The following LIMCH1 variants were observed in gnomAD, a reference collection of about 807,000 sequenced individuals.
LIMCH1 encodes the protein LIM and calponin homology domains 1.
In LIMCH1, 113 loss-of-function variants were observed where a neutral mutation model predicts 176.5. The ratio of observed to expected loss-of-function variants is 0.64; its 90% CI spans 0.55 to 0.75. The LOEUF (loss-of-function observed/expected upper bound fraction) is 0.75, where lower values mean the gene tolerates loss of function less well. Among genes scored for constraint, LIMCH1 ranks in the 30% least tolerant of loss-of-function variants. The pLI is 0.00. For missense variants in LIMCH1, 1,674 were observed against 1,814.9 expected (o/e 0.92, Z 1.41); for synonymous variants, 619 against 645.9 (o/e 0.96, Z 0.63).
At chr4:41,513,457 C>G (rs1305830972) in intron 2 of LIMCH1, among the ~76,000 whole-genome samples, 1 of 152,114 alleles carries the variant, frequency 6.6e-6, no homozygotes, top group African/African-American at 2.4e-5. Flanking sequence ...TCTCCTTGCC[C>G]CATTTGTGTA....
At chr4:41,402,144 A>G (rs1041970047) in intron 1 of LIMCH1, among the ~76,000 whole-genome samples, 1 of 152,138 alleles carries the variant, frequency 6.6e-6, no homozygotes, top group Admixed American at 6.6e-5. Flanking sequence ...AAAACAAACA[A>G]CCCCATCAAA....
chr4:41,615,818 G>A (rs999979520), intron 5 of LIMCH1, among the ~76,000 whole-genome samples: 1 of 152,124 alleles, frequency 6.6e-6, no homozygotes. Flanking sequence ...TCAACTCTAT[G>A]TTGGGCCAAT....
intron 1 of LIMCH1, among the ~76,000 whole-genome samples, chr4:41,493,060 A>T (rs896354297): frequency 6.6e-6 from 1 of 151,958 alleles, no homozygotes; most frequent in Non-Finnish European, 1.5e-5. Context: ...TCTTTTATTT[A>T]ACTTTTTTGT....
At chr4:41,393,442 A>G (rs948379790) in intron 1 of LIMCH1, among the ~76,000 whole-genome samples, 3 of 152,272 alleles carry the variant, frequency 2.0e-5, no homozygotes, top group Non-Finnish European at 4.4e-5. Context: ...TGGCTTTAGA[A>G]TGTCCTTTGA....
chr4:41,409,008 G>T (rs892481034), intron 1 of LIMCH1, among the ~76,000 whole-genome samples: 13 of 152,190 alleles, frequency 8.5e-5, no homozygotes, highest in Non-Finnish European at 1.8e-4. Context: ...CTGATTTGAA[G>T]TAGTTTATAA....
chr4:41,481,330 T>TG (rs938517135), intron 1 of LIMCH1, among the ~76,000 whole-genome samples: 1 of 152,194 alleles, frequency 6.6e-6, no homozygotes, highest in Non-Finnish European at 1.5e-5. Context: ...TGCAGCATGG[T>TG]GGGGCGGTGA....
chr4:41,491,523 C>T (rs1467140051), intron 1 of LIMCH1, among the ~76,000 whole-genome samples: 1 of 150,980 alleles, frequency 6.6e-6, no homozygotes, highest in Non-Finnish European at 1.5e-5. Flanking sequence ...AGGGGCTCCT[C>T]ACATCCCATA....
At chr4:41,463,614 C>T (rs879135967) in intron 1 of LIMCH1, among the ~76,000 whole-genome samples, 11 of 150,576 alleles carry the variant, frequency 7.3e-5, no homozygotes, top group Non-Finnish European at 1.5e-4. Context: ...CTCACTCTGT[C>T]GCCCAGGCTG....
chr4:41,649,606 T>C (rs1313385586), intron 17 of LIMCH1, among the ~76,000 whole-genome samples: 1 of 152,176 alleles, frequency 6.6e-6, no homozygotes, highest in East Asian at 1.9e-4. Flanking sequence ...TCCATGCCTG[T>C]TAAATGGTAG....
At chr4:41,579,822 G>T (rs1023086951) in intron 1 of LIMCH1, among the ~76,000 whole-genome samples, 2 of 152,084 alleles carry the variant, frequency 1.3e-5, no homozygotes, top group Admixed American at 6.5e-5. Context: ...TACATGTAGC[G>T]GTCTGTTTGT....
intron 1 of LIMCH1, among the ~76,000 whole-genome samples, chr4:41,382,230 G>A (rs2055786122): frequency 6.6e-6 from 1 of 152,216 alleles, no homozygotes; most frequent in African/African-American, 2.4e-5. Flanking sequence ...GATGGAACTG[G>A]ACAATTGGAA....
chr4:41,670,005 T>TAC (rs144917776), intron 21 of LIMCH1, among the ~76,000 whole-genome samples: 1 of 152,118 alleles, frequency 6.6e-6, no homozygotes, highest in African/African-American at 2.4e-5. Flanking sequence ...ACGTTTTCCT[T>TAC]ACACACACAC....
intron 13 of LIMCH1, 24 bp from the exon 14 acceptor site, chr4:41,638,908 C>G (rs760689829): frequency 1.2e-6 from 2 of 1,605,802 alleles, no homozygotes; most frequent in Non-Finnish European, 1.7e-6. Flanking sequence ...TGCCAGTCCT[C>G]TAATTTTTTA....
intron 27 of LIMCH1, 27 bp downstream of exon 27, chr4:41,684,545 T>G: frequency 6.2e-7 from 1 of 1,610,236 alleles, no homozygotes; most frequent in South Asian, 1.1e-5. Context: ...CCAGTTTCAT[T>G]CAATGTTTAA....
At position 41,685,700 on chromosome 4, in the gene LIMCH1, T is replaced by C. The variant is rs371520701; in HGVS notation, c.3968-10T>C. The C allele has an allele frequency of 6.8e-6, 11 of 1,613,246 alleles. No individual in the cohort carries two copies. The African/African-American group carries it at 9.3e-5, about 14-fold the overall frequency. On this transcript the variant is annotated splice_polypyrimidine_tract_variant and intron_variant, in intron 27 of 31. Transcript: ENST00000503057. ...TGTGCACTACATTTATGTTCTTTAATTGGCCTCAGATCCATCCCAGAATCA... is the reference window on the plus strand; with the variant it reads ...TGTGCACTACATTTATGTTCTTTAACTGGCCTCAGATCCATCCCAGAATCA...
At chr4:41,433,023 A>C (rs2061736348) in intron 1 of LIMCH1, among the ~76,000 whole-genome samples, 1 of 152,254 alleles carries the variant, frequency 6.6e-6, no homozygotes, top group Non-Finnish European at 1.5e-5. Flanking sequence ...TGATGTCAAA[A>C]GACTTTGGTT....
intron 1 of LIMCH1, among the ~76,000 whole-genome samples, chr4:41,573,311 A>T (rs543499133): frequency 6.6e-6 from 1 of 152,358 alleles, no homozygotes; most frequent in African/African-American, 2.4e-5. Flanking sequence ...AGATTTAACT[A>T]TGATATGTAA....
intron 1 of LIMCH1, among the ~76,000 whole-genome samples, chr4:41,393,818 A>G (rs1561225701): frequency 2.0e-5 from 3 of 152,240 alleles, no homozygotes; most frequent in African/African-American, 7.2e-5. Context: ...AGATACTTGA[A>G]TAAAAAGAAA....
At chr4:41,402,009 T>G (rs570650084) in intron 1 of LIMCH1, among the ~76,000 whole-genome samples, 3 of 152,316 alleles carry the variant, frequency 2.0e-5, no homozygotes, top group South Asian at 4.1e-4. Flanking sequence ...GTTTTCCTAA[T>G]TGAATACCCT....
Sources: gnomAD v4.1 joint callset for allele counts (sites outside exome capture counted in the v4.1 genomes callset) on GRCh38, gnomAD v4.1.1 for gene constraint, MANE v1.5 for transcripts, NCBI Gene and HGNC (gene_info 2026-07-23, HGNC 2026-07-21) for gene names.